The following DLGAP2 variants were observed in gnomAD, a reference collection of about 807,000 sequenced individuals.
DLGAP2 encodes DLG associated protein 2.
A neutral mutation model predicts 100.3 loss-of-function variants in DLGAP2; 26 were observed. The ratio of observed to expected loss-of-function variants is 0.26; its 90% CI spans 0.19 to 0.36. The LOEUF (loss-of-function observed/expected upper bound fraction) is 0.36. Ranked by LOEUF, DLGAP2 falls within the 10% of genes least tolerant of loss-of-function variation. The pLI is 1.00. For missense variants in DLGAP2, 1,858 were observed against 1,453.2 expected (o/e 1.28, Z -4.53); for synonymous variants, 886 against 630.1 (o/e 1.41, Z -6.08).
intron 7 of DLGAP2, among the ~76,000 whole-genome samples, chr8:1,630,485 G>A (rs1162698901): frequency 2.0e-5 from 3 of 152,100 alleles, no homozygotes; most frequent in East Asian, 1.9e-4. Context: ...GGTGGATCAC[G>A]AGGTCAGGAG....
At chr8:1,136,925 T>A (rs988046075) in intron 2 of DLGAP2, among the ~76,000 whole-genome samples, 5 of 152,228 alleles carry the variant, frequency 3.3e-5, no homozygotes, top group African/African-American at 1.2e-4. Flanking sequence ...GGTATTCTGT[T>A]TGTGCTGCTT....
intron 5 of DLGAP2, among the ~76,000 whole-genome samples, chr8:1,555,584 G>C (rs371588817): frequency 6.6e-6 from 1 of 152,148 alleles, no homozygotes; most frequent in Non-Finnish European, 1.5e-5. Flanking sequence ...ATCAGGGACC[G>C]TCTGCAGGAG....
chr8:1,454,518 G>T (rs566692387), intron 3 of DLGAP2, among the ~76,000 whole-genome samples: 106 of 152,184 alleles, frequency 7.0e-4, no homozygotes, highest in Non-Finnish European at 1.4e-3. Flanking sequence ...GAGGAGAGGA[G>T]CAGAAAACAC....
chr8:743,620 G>C (rs571968912), intron 1 of DLGAP2, among the ~76,000 whole-genome samples: 2 of 152,286 alleles, frequency 1.3e-5, no homozygotes, highest in Admixed American at 1.3e-4. Context: ...GTTGGAGTGA[G>C]TGGCATAATC....
intron 2 of DLGAP2, among the ~76,000 whole-genome samples, chr8:939,978 C>G (rs1252231171): frequency 6.6e-6 from 1 of 151,982 alleles, no homozygotes; most frequent in Non-Finnish European, 1.5e-5. Context: ...ACACCAGGCC[C>G]CCAACTGCCC....
chr8:790,247 G>A (rs553843523), intron 1 of DLGAP2, among the ~76,000 whole-genome samples: 5 of 152,258 alleles, frequency 3.3e-5, no homozygotes, highest in African/African-American at 1.2e-4. Context: ...TGTAGAGGCT[G>A]GACAAGCACC....
At chr8:1,343,357 C>CA (rs764329563) in intron 3 of DLGAP2, among the ~76,000 whole-genome samples, 3 of 152,176 alleles carry the variant, frequency 2.0e-5, no homozygotes, top group Non-Finnish European at 1.5e-5. Context: ...GGACAAGACT[C>CA]ACAGACACGG....
At chr8:1,370,287 C>A (rs372546192) in intron 3 of DLGAP2, among the ~76,000 whole-genome samples, 2 of 152,030 alleles carry the variant, frequency 1.3e-5, no homozygotes, top group South Asian at 4.2e-4. Flanking sequence ...AGCAGTTCCC[C>A]GAAGGTCGGC....
chr8:1,547,445 C>T (rs1008092391), intron 4 of DLGAP2, among the ~76,000 whole-genome samples: 10 of 151,272 alleles, frequency 6.6e-5, no homozygotes, highest in Non-Finnish European at 1.2e-4. Context: ...AGGAGGCCAT[C>T]GTGATGGTCC....
At chr8:1,040,477 C>T (rs1321607159) in intron 2 of DLGAP2, among the ~76,000 whole-genome samples, 3 of 147,784 alleles carry the variant, frequency 2.0e-5, no homozygotes, top group Admixed American at 2.0e-4. Flanking sequence ...TGTGCATGGT[C>T]GGCTCGGTTT....
chr8:1,282,835 A>T lies in DLGAP2; in HGVS notation c.106+23952A>T, dbSNP rs1398655263. Among the ~76,000 whole-genome samples, 4 of 82,896 alleles carry T rather than the reference A, an allele frequency of 4.8e-5. 1 individual carries two copies. The highest frequency in any genetic ancestry group is 2.5e-4 in the African/African-American group (4 of 16,014). The allele number at this position is 82,896 out of a possible 152,430, so 54.4% of individuals were successfully genotyped here. On this transcript the variant is annotated intron_variant, in intron 3 of 14. Transcript: ENST00000637795. ...TCTGGACATGGTGTGACCTGAACCC[A>T]GCACGTGAAGCATCCGGACGTGGTG...
At chr8:1,428,019 G>GT (rs1166208222) in intron 3 of DLGAP2, among the ~76,000 whole-genome samples, 3 of 152,046 alleles carry the variant, frequency 2.0e-5, no homozygotes, top group Non-Finnish European at 2.9e-5. Flanking sequence ...GTTCATACAT[G>GT]TATTTATTGG....
intron 1 of DLGAP2, among the ~76,000 whole-genome samples, chr8:752,085 C>T (rs62485571): frequency 0.067 from 10,143 of 152,302 alleles, 603 homozygotes; most frequent in East Asian, 0.32. Flanking sequence ...GGTGTTCACT[C>T]ACCCAGTTTT....
At chr8:1,077,037 G>T (rs988269774) in intron 2 of DLGAP2, among the ~76,000 whole-genome samples, 2 of 147,004 alleles carry the variant, frequency 1.4e-5, no homozygotes, top group East Asian at 4.1e-4. Context: ...GCCCCCCCAA[G>T]ACCAAGAGGG....
intron 1 of DLGAP2, among the ~76,000 whole-genome samples, chr8:790,541 G>A (rs1012691123): frequency 6.6e-6 from 1 of 152,188 alleles, no homozygotes; most frequent in Non-Finnish European, 1.5e-5. Flanking sequence ...GGAGAAAGGT[G>A]TGAGTAGTTG....
intron 2 of DLGAP2, among the ~76,000 whole-genome samples, chr8:1,052,504 G>A (rs899745106): frequency 2.0e-5 from 3 of 152,184 alleles, no homozygotes; most frequent in Non-Finnish European, 4.4e-5. Flanking sequence ...ATCATCTTTG[G>A]AGGAGTTACT....
At chr8:1,556,516 C>G (rs73671210) in intron 5 of DLGAP2, among the ~76,000 whole-genome samples, 1,750 of 152,306 alleles carry the variant, frequency 0.011, 41 homozygotes, top group African/African-American at 0.04. Flanking sequence ...TGTCTGTTCC[C>G]GCTGAGTCTG....
In DLGAP2 at chr8:1,045,720, CAG is replaced by C. The variant is rs1802495596; in HGVS notation, c.73+137755_73+137756del. On this transcript the variant is annotated intron_variant, in intron 2 of 14. Coordinates refer to ENST00000637795, the MANE Select transcript of DLGAP2 (RefSeq NM_001346810.2). ...TTGTTTAGGTGTCCTTTTTTAGGGA[CAG>C]GTGTGTGTGTGTTGTCTGTTTTGTT... Among the ~76,000 whole-genome samples, 3 of 152,264 alleles carry C rather than the reference CAG, an allele frequency of 2.0e-5. No homozygotes were observed. In the South Asian group the frequency reaches 6.2e-4, roughly 32 times the overall value.
At chr8:779,082 G>A (rs1184317938) in intron 1 of DLGAP2, among the ~76,000 whole-genome samples, 1 of 152,246 alleles carries the variant, frequency 6.6e-6, no homozygotes, top group East Asian at 1.9e-4. Context: ...CGCAGTATGC[G>A]GGTGGGAGTG....
Sources: gnomAD v4.1 joint callset for allele counts (sites outside exome capture counted in the v4.1 genomes callset) on GRCh38, gnomAD v4.1.1 for gene constraint, MANE v1.5 for transcripts, NCBI Gene and HGNC (gene_info 2026-07-23, HGNC 2026-07-21) for gene names.